CAMK2D: variants seen among roughly 807,000 people sequenced by gnomAD.
CAMK2D encodes the protein calcium/calmodulin dependent protein kinase II delta.
In CAMK2D, 37 loss-of-function variants were observed where a neutral mutation model predicts 84.0. That is an observed-to-expected ratio of 0.44 (90% CI 0.34 to 0.58). CAMK2D has a LOEUF of 0.58. Ranked by LOEUF, CAMK2D falls within the 20% of genes least tolerant of loss-of-function variation. The pLI is 0.02. For synonymous variants in CAMK2D, 202 were observed against 212.5 expected (o/e 0.95, Z 0.43); for missense variants, 448 against 652.5 (o/e 0.69, Z 3.41).
At chr4:113,698,873 C>T (rs904379815) in intron 2 of CAMK2D, among the ~76,000 whole-genome samples, 1 of 152,060 alleles carries the variant, frequency 6.6e-6, no homozygotes, top group African/African-American at 2.4e-5. Flanking sequence ...ATAGCAATTT[C>T]ACTTTGGAGA....
At chr4:113,727,453 T>C (rs1270695495) in intron 2 of CAMK2D, among the ~76,000 whole-genome samples, 1 of 152,110 alleles carries the variant, frequency 6.6e-6, no homozygotes, top group Non-Finnish European at 1.5e-5. Context: ...ATAATGATGT[T>C]GGAACAACTG....
At chr4:113,641,045 C>G (rs942446978) in intron 3 of CAMK2D, among the ~76,000 whole-genome samples, 2 of 152,330 alleles carry the variant, frequency 1.3e-5, no homozygotes, top group East Asian at 1.9e-4. Context: ...CTTCTTTGAA[C>G]TGCTGAGTAT....
intron 14 of CAMK2D, among the ~76,000 whole-genome samples, chr4:113,503,564 G>C (rs1454026332): frequency 6.6e-6 from 1 of 152,062 alleles, no homozygotes; most frequent in Non-Finnish European, 1.5e-5. Flanking sequence ...AAAAGTTTAA[G>C]GGACTAATCA....
At chr4:113,731,945 C>T (rs1318140947) in intron 2 of CAMK2D, among the ~76,000 whole-genome samples, 2 of 151,952 alleles carry the variant, frequency 1.3e-5, no homozygotes, top group African/African-American at 2.4e-5. Context: ...TGTCCACAGC[C>T]GTATAGAGAA....
chr4:113,533,561 G>A (rs990829407), intron 7 of CAMK2D, among the ~76,000 whole-genome samples: 1 of 151,940 alleles, frequency 6.6e-6, no homozygotes, highest in Non-Finnish European at 1.5e-5. Flanking sequence ...TGTATCCATT[G>A]TAACACATTG....
intron 2 of CAMK2D, among the ~76,000 whole-genome samples, chr4:113,723,982 A>G (rs2099538628): frequency 6.6e-6 from 1 of 152,104 alleles, no homozygotes; most frequent in African/African-American, 2.4e-5. Flanking sequence ...TATATAACAT[A>G]TTGATGTTAT....
intron 3 of CAMK2D, among the ~76,000 whole-genome samples, chr4:113,656,820 G>A (rs2099202900): frequency 6.6e-6 from 1 of 152,064 alleles, no homozygotes; most frequent in African/African-American, 2.4e-5. Context: ...ACGCTCTAAA[G>A]CAGTGACCAA....
intron 2 of CAMK2D, chr4:113,679,569 G>A (rs2099332813): frequency 2.3e-6 from 1 of 431,418 alleles, no homozygotes; most frequent in Non-Finnish European, 3.1e-6. Context: ...TTAACCATGG[G>A]TAGAGAAAAA....
intron 2 of CAMK2D, among the ~76,000 whole-genome samples, chr4:113,678,669 T>C (rs1006209155): frequency 4.6e-5 from 7 of 152,176 alleles, no homozygotes; most frequent in Non-Finnish European, 7.3e-5. Context: ...AATTATTAAC[T>C]ATAGTTACTC....
At chr4:113,496,020 T>C (rs951679453) in intron 16 of CAMK2D, among the ~76,000 whole-genome samples, 2 of 152,142 alleles carry the variant, frequency 1.3e-5, no homozygotes, top group Non-Finnish European at 1.5e-5. Flanking sequence ...ACAATGGTGC[T>C]GGATGGGTTA....
intron 4 of CAMK2D, among the ~76,000 whole-genome samples, chr4:113,603,578 T>C (rs922583420): frequency 6.6e-6 from 1 of 151,072 alleles, no homozygotes; most frequent in Middle Eastern, 3.2e-3. Flanking sequence ...TTTGCTTTCA[T>C]AAAAGCCTTT....
At chr4:113,715,013 T>G (rs182309940) in intron 2 of CAMK2D, among the ~76,000 whole-genome samples, 2 of 152,242 alleles carry the variant, frequency 1.3e-5, no homozygotes, top group Non-Finnish European at 2.9e-5. Flanking sequence ...TACCCATCCA[T>G]ACAGATATAG....
At chr4:113,465,333 T>A (rs1160689885) in intron 17 of CAMK2D, among the ~76,000 whole-genome samples, 196 bp downstream of exon 17, 1 of 152,152 alleles carries the variant, frequency 6.6e-6, no homozygotes, top group African/African-American at 2.4e-5. Flanking sequence ...GTGCCTGGCC[T>A]CTGAAATCTT....
intron 16 of CAMK2D, among the ~76,000 whole-genome samples, chr4:113,491,792 A>C (rs1004595154): frequency 6.6e-6 from 1 of 151,882 alleles, no homozygotes; most frequent in East Asian, 1.9e-4. Flanking sequence ...TGGTTGGTAA[A>C]CTATTGATTA....
chr4:113,581,755 T>C (rs6855671), intron 4 of CAMK2D, among the ~76,000 whole-genome samples: 12,532 of 152,150 alleles, frequency 0.082, 901 homozygotes, highest in East Asian at 0.19. Context: ...AACATTGATA[T>C]TTGCCTGTGA....
chr4:113,630,694 C>T (rs2099086183), intron 3 of CAMK2D, among the ~76,000 whole-genome samples: 1 of 152,142 alleles, frequency 6.6e-6, no homozygotes, highest in African/African-American at 2.4e-5. Context: ...CAGCCCTCGA[C>T]CACCACATTC....
At chr4:113,457,150 C>T in intron 19 of CAMK2D, 185 bp downstream of exon 19, 1 of 1,426,774 alleles carries the variant, frequency 7.0e-7, no homozygotes, top group Non-Finnish European at 9.1e-7. Flanking sequence ...TTTCAACCCA[C>T]AAATGGCTGA....
chr4:113,491,990 C>T (rs1363706037), intron 16 of CAMK2D, among the ~76,000 whole-genome samples: 2 of 151,796 alleles, frequency 1.3e-5, no homozygotes, highest in Non-Finnish European at 1.5e-5. Flanking sequence ...TGGTGATATC[C>T]CCTTTATCAT....
chr4:113,746,601 C>G (rs1249921130), intron 2 of CAMK2D, among the ~76,000 whole-genome samples: 1 of 151,972 alleles, frequency 6.6e-6, no homozygotes. Context: ...TTCCCTTTTC[C>G]TGATCACACA....
Sources: gnomAD v4.1 joint callset for allele counts (sites outside exome capture counted in the v4.1 genomes callset) on GRCh38, gnomAD v4.1.1 for gene constraint, MANE v1.5 for transcripts, NCBI Gene and HGNC (gene_info 2026-07-23, HGNC 2026-07-21) for gene names.